Variants in EDIL3 observed in about 807,000 individuals in gnomAD.
EDIL3 encodes EGF like and discoidin domains 3.
Under a neutral mutation model 67.4 loss-of-function variants are expected in EDIL3, and 37 were observed. That is an observed-to-expected ratio of 0.55 (90% CI 0.42 to 0.72). EDIL3 has a LOEUF of 0.72. EDIL3 is among the 30% of genes least tolerant of loss of function. The pLI, the probability that EDIL3 is intolerant of heterozygous loss-of-function variation, is 0.00. For synonymous variants in EDIL3, 195 were observed against 196.3 expected (o/e 0.99, Z 0.05); for missense variants, 527 against 586.3 (o/e 0.90, Z 1.04).
intron 4 of EDIL3, among the ~76,000 whole-genome samples, chr5:84,161,807 G>C (rs1053303543): frequency 2.0e-5 from 3 of 151,930 alleles, no homozygotes; most frequent in Non-Finnish European, 2.9e-5. Context: ...ACTCTCTTAT[G>C]GGTCTAAATC....
In EDIL3 at chr5:84,342,814, C is replaced by T. The variant is rs369589611; in HGVS notation, c.67+41494G>A. ...TTTGAACACAGAACAGCAAGTCAAT[C>T]TTTATTTGATGGATTATCCTTCATG... On this transcript the variant is annotated intron_variant, in intron 1 of 10. Transcript: ENST00000296591. Among the ~76,000 whole-genome samples the T allele has an allele frequency of 5.9e-5, 9 of 152,096 alleles. No individual in the cohort carries two copies. In the South Asian group the frequency reaches 1.9e-3, roughly 31 times the overall value.
At chr5:84,092,792 AG>A (rs200269404) in intron 6 of EDIL3, among the ~76,000 whole-genome samples, 1 of 67,000 alleles carries the variant, frequency 1.5e-5, no homozygotes, top group African/African-American at 5.8e-5. Context: ...TTAACATTTG[AG>A]GAAAAAAAAA....
intron 9 of EDIL3, among the ~76,000 whole-genome samples, chr5:83,994,685 A>T (rs1046427463): frequency 3.3e-5 from 5 of 152,118 alleles, no homozygotes; most frequent in African/African-American, 1.2e-4. Context: ...TTCTTTCCAA[A>T]TTACTTCTTG....
rs140095315 is a variant in EDIL3 at position 84,102,814 on chromosome 5, T to C, written c.651+3835A>G. 2.3e-3 allele frequency among the ~76,000 whole-genome samples: 357 copies of C among 152,124 alleles called. 4 individuals are homozygous for C. The highest frequency in any genetic ancestry group is 8.2e-3 in the African/African-American group (342 of 41,520). ...TGGCCATACTGCCCAAAGCAATTTA[T>C]AGATTTCAATGCTAATCCTATCAAA... On this transcript the variant is annotated intron_variant, in intron 6 of 10. Transcript: ENST00000296591.
chr5:84,180,118 T>C (rs1580363926), intron 4 of EDIL3, among the ~76,000 whole-genome samples: 1 of 152,006 alleles, frequency 6.6e-6, no homozygotes, highest in Non-Finnish European at 1.5e-5. Context: ...ATCAGTTTAA[T>C]GTAAAGTGCA....
At chr5:84,002,094 G>T (rs924250646) in intron 9 of EDIL3, among the ~76,000 whole-genome samples, 1 of 152,090 alleles carries the variant, frequency 6.6e-6, no homozygotes, top group Non-Finnish European at 1.5e-5. Context: ...GACCAAGTGG[G>T]ATTTTTCCCA....
chr5:84,333,742 A>C (rs1252115648), intron 1 of EDIL3, among the ~76,000 whole-genome samples: 2 of 152,196 alleles, frequency 1.3e-5, no homozygotes, highest in African/African-American at 4.8e-5. Context: ...AGCATACTTA[A>C]TAGGTGAAAT....
chr5:84,099,131 C>T (rs538905169), intron 6 of EDIL3, among the ~76,000 whole-genome samples: 2 of 152,146 alleles, frequency 1.3e-5, no homozygotes, highest in Non-Finnish European at 2.9e-5. Flanking sequence ...ACATTCCATG[C>T]ACATGGATAG....
At chr5:84,327,322 T>C (rs1034452852) in intron 1 of EDIL3, among the ~76,000 whole-genome samples, 4 of 151,480 alleles carry the variant, frequency 2.6e-5, no homozygotes, top group African/African-American at 9.7e-5. Flanking sequence ...ACCATTCTTT[T>C]AAAAAAAAAT....
chr5:84,093,305 C>A (rs920461652), intron 6 of EDIL3, among the ~76,000 whole-genome samples: 8 of 151,810 alleles, frequency 5.3e-5, no homozygotes, highest in Non-Finnish European at 7.4e-5. Context: ...GATTCCTACT[C>A]TCAAGTTGTT....
chr5:84,127,894 G>A (rs1336919723), intron 5 of EDIL3, among the ~76,000 whole-genome samples: 1 of 151,964 alleles, frequency 6.6e-6, no homozygotes, highest in African/African-American at 2.4e-5. Flanking sequence ...TGTTACCAAT[G>A]CTTTCCTTAA....
chr5:83,944,690 A>T (rs1744282598), intron 10 of EDIL3, among the ~76,000 whole-genome samples: 1 of 151,914 alleles, frequency 6.6e-6, no homozygotes, highest in African/African-American at 2.4e-5. Flanking sequence ...ATTTAGATTT[A>T]GTTTAGATTT....
chr5:83,979,160 G>A (rs891002907), intron 9 of EDIL3, among the ~76,000 whole-genome samples: 5 of 152,058 alleles, frequency 3.3e-5, no homozygotes, highest in African/African-American at 1.2e-4. Context: ...AGACATAAAT[G>A]AAAAGATGAG....
intron 1 of EDIL3, among the ~76,000 whole-genome samples, chr5:84,338,955 C>T (rs1394736522): frequency 6.6e-6 from 1 of 152,022 alleles, no homozygotes; most frequent in Non-Finnish European, 1.5e-5. Context: ...GGGCTGAGTC[C>T]TGCAAATAAT....
chr5:84,191,459 G>A (rs1194944174), intron 3 of EDIL3, among the ~76,000 whole-genome samples: 1 of 152,054 alleles, frequency 6.6e-6, no homozygotes, highest in Non-Finnish European at 1.5e-5. Flanking sequence ...GCAAGTTACT[G>A]TTTAGATTGC....
At chr5:84,156,018 T>C (rs974622515) in intron 4 of EDIL3, among the ~76,000 whole-genome samples, 1 of 152,222 alleles carries the variant, frequency 6.6e-6, no homozygotes, top group African/African-American at 2.4e-5. Flanking sequence ...TTCTGTCCTG[T>C]ACGGAGGACT....
At chr5:84,302,399 C>T (rs1746179754) in intron 1 of EDIL3, among the ~76,000 whole-genome samples, 1 of 152,142 alleles carries the variant, frequency 6.6e-6, no homozygotes. Context: ...CGGGTTCACG[C>T]CATTCTCCTG....
intron 1 of EDIL3, among the ~76,000 whole-genome samples, chr5:84,327,284 C>G (rs973137334): frequency 2.0e-5 from 3 of 151,724 alleles, no homozygotes; most frequent in Non-Finnish European, 2.9e-5. Context: ...TTAATTGTTC[C>G]TACTGTTCAT....
chr5:84,183,328 G>C (rs1182499734), intron 3 of EDIL3, among the ~76,000 whole-genome samples: 3 of 151,988 alleles, frequency 2.0e-5, no homozygotes, highest in Admixed American at 2.0e-4. Context: ...CAACTAACTG[G>C]GGAGGGGAGA....
Sources: allele counts gnomAD v4.1 joint callset (sites outside exome capture counted in the v4.1 genomes callset), GRCh38; gene constraint gnomAD v4.1.1; transcripts MANE v1.5; gene names NCBI Gene and HGNC (gene_info 2026-07-23, HGNC 2026-07-21).